The following CDH13 variants were observed in gnomAD, a reference collection of about 807,000 sequenced individuals.
CDH13 encodes cadherin-13.
Under a neutral mutation model 63.8 loss-of-function variants are expected in CDH13, and 24 were observed. The ratio of observed to expected loss-of-function variants is 0.38; its 90% CI spans 0.27 to 0.53. The LOEUF is 0.53. CDH13 is among the 20% of genes least tolerant of loss of function. CDH13 has a pLI of 0.85. For missense variants in CDH13, 1,049 were observed against 903.1 expected (o/e 1.16, Z -2.07); for synonymous variants, 503 against 355.3 (o/e 1.42, Z -4.67).
At chr16:83,719,111 T>G (rs72797294) in intron 10 of CDH13, among the ~76,000 whole-genome samples, 8 of 152,106 alleles carry the variant, frequency 5.3e-5, no homozygotes, top group Admixed American at 3.3e-4. Flanking sequence ...AGCCCATTCA[T>G]CTCTTGGGGG....
intron 2 of CDH13, among the ~76,000 whole-genome samples, chr16:82,874,272 A>G (rs768250560): frequency 1.5e-4 from 23 of 152,146 alleles, no homozygotes; most frequent in Non-Finnish European, 2.4e-4. Flanking sequence ...AGAATTGCAG[A>G]TTGCAGTCCT....
At chr16:83,634,114 TTTC>T (rs1911026679) in intron 8 of CDH13, among the ~76,000 whole-genome samples, 1 of 70,558 alleles carries the variant, frequency 1.4e-5, no homozygotes, top group Non-Finnish European at 2.9e-5. Flanking sequence ...TTTTGTGTGT[TTTC>T]TGTGTGTGTG....
intron 5 of CDH13, among the ~76,000 whole-genome samples, chr16:83,332,000 T>C (rs1437355312): frequency 5.9e-5 from 9 of 152,250 alleles, no homozygotes; most frequent in African/African-American, 2.2e-4. Context: ...TTGTGATGGG[T>C]GTTAACAAAT....
At position 82,651,232 on chromosome 16, in the gene CDH13, T is replaced by C. The variant is rs545833207; in HGVS notation, c.45+24095T>C. On this transcript the variant is annotated intron_variant, in intron 1 of 13. Transcript: ENST00000567109. Reference sequence around the variant, plus strand: ...AAGAAATAACTTTTATTGAGCACTGTCTACATATCAGGCACCCAGCTAAGT... The same window carrying C: ...AAGAAATAACTTTTATTGAGCACTGCCTACATATCAGGCACCCAGCTAAGT... 8.5e-5 allele frequency among the ~76,000 whole-genome samples: 13 copies of C among 152,336 alleles called. 1 individual carries two copies. In the South Asian group the frequency reaches 1.7e-3, roughly 19 times the overall value.
intron 6 of CDH13, among the ~76,000 whole-genome samples, chr16:83,476,138 A>C (rs2073597515): frequency 6.6e-6 from 1 of 152,168 alleles, no homozygotes; most frequent in African/African-American, 2.4e-5. Context: ...GCATTTGGCA[A>C]ATGTTTACTA....
intron 1 of CDH13, among the ~76,000 whole-genome samples, chr16:82,667,019 A>G (rs548780553): frequency 1.3e-5 from 2 of 152,218 alleles, no homozygotes; most frequent in African/African-American, 2.4e-5. Context: ...TTGCAAGCCA[A>G]CTCGGAGCCT....
chr16:82,754,119 G>A (rs1024486160), intron 1 of CDH13, among the ~76,000 whole-genome samples: 1 of 152,166 alleles, frequency 6.6e-6, no homozygotes, highest in Non-Finnish European at 1.5e-5. Flanking sequence ...AGTTCATGGC[G>A]CAGGGTCAGG....
intron 6 of CDH13, among the ~76,000 whole-genome samples, chr16:83,355,811 C>T (rs996503185): frequency 5.9e-5 from 9 of 152,154 alleles, no homozygotes; most frequent in Non-Finnish European, 4.4e-5. Context: ...AGGGGAGCAT[C>T]TCTCTAGGAT....
intron 1 of CDH13, among the ~76,000 whole-genome samples, chr16:82,731,431 A>T (rs1046359782): frequency 6.6e-6 from 1 of 152,258 alleles, no homozygotes; most frequent in African/African-American, 2.4e-5. Context: ...ATTAAATTTT[A>T]AAAATGTGTT....
intron 4 of CDH13, 144 bp downstream of exon 4, chr16:83,125,645 G>A (rs1164447496): frequency 3.7e-6 from 2 of 537,244 alleles, no homozygotes; most frequent in Non-Finnish European, 6.7e-6. Context: ...GTCATGAAAA[G>A]AATGTTGGAA....
intron 7 of CDH13, among the ~76,000 whole-genome samples, chr16:83,493,150 C>G (rs890802593): frequency 6.6e-6 from 1 of 152,140 alleles, no homozygotes; most frequent in Non-Finnish European, 1.5e-5. Context: ...ATAAGATGTG[C>G]CAAGTACTAG....
At chr16:82,885,065 A>G (rs986142071) in intron 2 of CDH13, among the ~76,000 whole-genome samples, 5 of 152,174 alleles carry the variant, frequency 3.3e-5, no homozygotes, top group Non-Finnish European at 7.3e-5. Context: ...TTCCGGTACT[A>G]TATACAGCAA....
chr16:82,947,205 C>A (rs1289940235), intron 2 of CDH13, among the ~76,000 whole-genome samples: 1 of 152,138 alleles, frequency 6.6e-6, no homozygotes, highest in African/African-American at 2.4e-5. Context: ...GTTATTCCTA[C>A]TACCTGCTTG....
chr16:82,723,873 G>C (rs2032933986), intron 1 of CDH13, among the ~76,000 whole-genome samples: 1 of 152,160 alleles, frequency 6.6e-6, no homozygotes, highest in South Asian at 2.1e-4. Context: ...TGGCCTTGAT[G>C]GAGTTTTCAG....
At chr16:82,896,940 C>T (rs1422195772) in intron 2 of CDH13, among the ~76,000 whole-genome samples, 2 of 151,788 alleles carry the variant, frequency 1.3e-5, no homozygotes, top group African/African-American at 4.8e-5. Context: ...GCCATCACGC[C>T]CAGCTAATTT....
intron 1 of CDH13, chr16:82,719,226 G>A (rs9936126): frequency 4.1e-5 from 13 of 318,628 alleles, no homozygotes; most frequent in African/African-American, 1.5e-4. Context: ...GAGTTTCCAC[G>A]AGCAGGAACC....
chr16:82,845,419 A>G (rs554587820), intron 1 of CDH13, among the ~76,000 whole-genome samples: 162 of 152,340 alleles, frequency 1.1e-3, no homozygotes, highest in African/African-American at 3.6e-3. Flanking sequence ...AGGGCACTCT[A>G]AGGGGCAAGC....
At chr16:83,279,738 C>G (rs1400904978) in intron 5 of CDH13, among the ~76,000 whole-genome samples, 1 of 152,020 alleles carries the variant, frequency 6.6e-6, no homozygotes, top group Non-Finnish European at 1.5e-5. Context: ...GAGAAGCAAA[C>G]CATAAAACAT....
intron 7 of CDH13, among the ~76,000 whole-genome samples, chr16:83,511,094 A>ACACG (rs147339336): frequency 0.027 from 4,119 of 151,328 alleles, 189 homozygotes; most frequent in African/African-American, 0.093. Flanking sequence ...GCACACACAC[A>ACACG]TGCACACATG....
Sources: gnomAD v4.1 joint callset for allele counts (sites outside exome capture counted in the v4.1 genomes callset) on GRCh38, gnomAD v4.1.1 for gene constraint, MANE v1.5 for transcripts, NCBI Gene and HGNC (gene_info 2026-07-23, HGNC 2026-07-21) for gene names.